The following CNTNAP2 variants were observed in gnomAD, a reference collection of about 807,000 sequenced individuals.
The protein encoded by CNTNAP2 is contactin associated protein 2.
Under a neutral mutation model 155.2 loss-of-function variants are expected in CNTNAP2, and 98 were observed. That is an observed-to-expected ratio of 0.63 (90% CI 0.54 to 0.75). The LOEUF is 0.75. Ranked by LOEUF, CNTNAP2 falls within the 30% of genes least tolerant of loss-of-function variation. The pLI is 0.00. For missense variants in CNTNAP2, 1,727 were observed against 1,688.1 expected, an observed-to-expected ratio of 1.02 and a Z score of -0.40; for synonymous variants, 651 against 631.2, an observed-to-expected ratio of 1.03 and a Z score of -0.47.
At chr7:146,943,855 C>T (rs1797104585) in intron 3 of CNTNAP2, among the ~76,000 whole-genome samples, 1 of 152,088 alleles carries the variant, frequency 6.6e-6, no homozygotes, top group Non-Finnish European at 1.5e-5. Context: ...AGATAAACTG[C>T]TTACATGAAG....
At chr7:147,454,197 T>G (rs1039073143) in intron 10 of CNTNAP2, among the ~76,000 whole-genome samples, 7 of 152,220 alleles carry the variant, frequency 4.6e-5, no homozygotes, top group South Asian at 2.1e-4. Flanking sequence ...TTTACACTTG[T>G]TAAAATATTT....
At chr7:146,620,670 T>G (rs1799302509) in intron 1 of CNTNAP2, among the ~76,000 whole-genome samples, 1 of 152,166 alleles carries the variant, frequency 6.6e-6, no homozygotes, top group African/African-American at 2.4e-5. Flanking sequence ...CATTTAGCTG[T>G]GAATATGCAG....
At chr7:147,876,632 T>C (rs1585005369) in intron 13 of CNTNAP2, among the ~76,000 whole-genome samples, 1 of 33,978 alleles carries the variant, frequency 2.9e-5, no homozygotes, top group East Asian at 1.3e-3. Context: ...TCCCTCCACA[T>C]TTTTTTTTAA....
At chr7:147,925,784 A>G (rs1800388264) in intron 14 of CNTNAP2, among the ~76,000 whole-genome samples, 1 of 152,238 alleles carries the variant, frequency 6.6e-6, no homozygotes, top group Non-Finnish European at 1.5e-5. Context: ...TAACAAATGT[A>G]TAATGAAATG....
chr7:146,740,947 TC>T (rs1186058729), intron 1 of CNTNAP2, among the ~76,000 whole-genome samples: 1 of 152,172 alleles, frequency 6.6e-6, no homozygotes, highest in Non-Finnish European at 1.5e-5. Context: ...AGACCTGGTG[TC>T]CTGGTGGGTC....
At chr7:147,781,450 CT>C (rs1797660501) in intron 13 of CNTNAP2, among the ~76,000 whole-genome samples, 1 of 152,122 alleles carries the variant, frequency 6.6e-6, no homozygotes, top group African/African-American at 2.4e-5. Flanking sequence ...ATGGCTAGAG[CT>C]TGGATAGTGC....
At chr7:148,085,419 G>T (rs767051692) in intron 15 of CNTNAP2, among the ~76,000 whole-genome samples, 1 of 152,048 alleles carries the variant, frequency 6.6e-6, no homozygotes, top group Non-Finnish European at 1.5e-5. Context: ...ATTCTCACAA[G>T]TTTAAAGGCC....
chr7:148,140,033 T>C (rs1396224988), intron 16 of CNTNAP2, among the ~76,000 whole-genome samples: 2 of 152,210 alleles, frequency 1.3e-5, no homozygotes, highest in Non-Finnish European at 1.5e-5. Context: ...TGAATTCTGC[T>C]GCCGAAGGCT....
Position 147,156,224 on chromosome 7 carries a change from G to A in CNTNAP2, c.1348+23715G>A, listed in dbSNP as rs1801924316. ...AATGGTTTGTTATTCAACTAAAATT[G>A]TCATATATGTGTTTGGTCCATTGAT... On this transcript the variant is annotated intron_variant, in intron 8 of 23. Transcript: ENST00000361727. 3.3e-5 allele frequency among the ~76,000 whole-genome samples: 5 copies of A among 152,068 alleles called. No individual in the cohort carries two copies. In the South Asian group the frequency reaches 6.2e-4, roughly 19 times the overall value.
intron 21 of CNTNAP2, among the ~76,000 whole-genome samples, chr7:148,284,585 C>G (rs1393268810): frequency 6.6e-6 from 1 of 150,700 alleles, no homozygotes; most frequent in African/African-American, 2.4e-5. Context: ...ACTAAGGCTA[C>G]CCAGGTAGAG....
intron 8 of CNTNAP2, among the ~76,000 whole-genome samples, chr7:147,275,720 G>T (rs951960562): frequency 3.3e-5 from 5 of 152,024 alleles, no homozygotes; most frequent in African/African-American, 1.2e-4. Context: ...CGTATTGAGG[G>T]TGGGCATCCT....
chr7:147,364,624 C>T (rs144427360), intron 9 of CNTNAP2, among the ~76,000 whole-genome samples: 3 of 152,186 alleles, frequency 2.0e-5, no homozygotes, highest in African/African-American at 4.8e-5. Flanking sequence ...TCCTAACCAG[C>T]GGATCACAAG....
intron 20 of CNTNAP2, among the ~76,000 whole-genome samples, chr7:148,248,973 T>C (rs763213484): frequency 3.9e-5 from 6 of 152,240 alleles, no homozygotes; most frequent in African/African-American, 9.6e-5. Context: ...TGATGATGTT[T>C]AGCGACTTTT....
At chr7:146,262,088 C>T (rs888410878) in intron 1 of CNTNAP2, among the ~76,000 whole-genome samples, 2 of 152,184 alleles carry the variant, frequency 1.3e-5, no homozygotes, top group Non-Finnish European at 2.9e-5. Flanking sequence ...CTGGTCCTCT[C>T]CTGTCCCTGC....
chr7:147,584,879 G>A (rs1285331630), intron 12 of CNTNAP2, among the ~76,000 whole-genome samples: 1 of 152,126 alleles, frequency 6.6e-6, no homozygotes, highest in East Asian at 1.9e-4. Flanking sequence ...CCTATCCTCA[G>A]CTCCCAGGAT....
rs1045997700 is a variant in CNTNAP2, at chr7:146,788,397, C to T, written c.208+14016C>T. On this transcript the variant is annotated intron_variant, in intron 2 of 23. Coordinates refer to ENST00000361727, the MANE Select transcript of CNTNAP2 (RefSeq NM_014141.6). ...GTCATAGGGATTGCTAGAGACTCTT[C>T]TCGTATTATGGTAAGGTCATATGTT... Among the ~76,000 whole-genome samples the T allele has an allele frequency of 2.0e-5, 3 of 152,318 alleles. No individual in the cohort carries two copies. In the East Asian group the frequency reaches 5.8e-4, roughly 29 times the overall value.
intron 1 of CNTNAP2, among the ~76,000 whole-genome samples, chr7:146,709,977 A>C (rs138225419): frequency 3.4e-4 from 52 of 152,232 alleles, no homozygotes; most frequent in Non-Finnish European, 6.5e-4. Context: ...ATGTTTTCAC[A>C]ATCGATTAGG....
intron 3 of CNTNAP2, among the ~76,000 whole-genome samples, chr7:147,032,835 G>T (rs759525714): frequency 6.6e-5 from 10 of 151,900 alleles, no homozygotes; most frequent in Non-Finnish European, 1.5e-4. Flanking sequence ...TAAACTATGG[G>T]AGGCAATAAA....
rs1026667015 is a variant in CNTNAP2, at chr7:147,090,557, A to G, written c.551-17590A>G. Reference sequence around the variant, plus strand: ...CTTAATTTATTCAGATACTTTTTTAATGTTCTAGAATTAAAATAATTTAAT... The same window carrying G: ...CTTAATTTATTCAGATACTTTTTTAGTGTTCTAGAATTAAAATAATTTAAT... On this transcript the variant is annotated intron_variant, in intron 4 of 23. Transcript: ENST00000361727. Among the ~76,000 whole-genome samples, 63 of 152,110 alleles carry G rather than the reference A, an allele frequency of 4.1e-4. 1 individual carries two copies. The highest frequency in any genetic ancestry group is 3.5e-3 in the Admixed American group (53 of 15,268).
Sources: allele counts gnomAD v4.1 joint callset (sites outside exome capture counted in the v4.1 genomes callset), GRCh38; gene constraint gnomAD v4.1.1; transcripts MANE v1.5; gene names NCBI Gene and HGNC (gene_info 2026-07-23, HGNC 2026-07-21).